The following LSAMP variants were observed in gnomAD, a reference collection of about 807,000 sequenced individuals.
LSAMP encodes the protein limbic system associated membrane protein.
Under a neutral mutation model 38.6 loss-of-function variants are expected in LSAMP, and 7 were observed. The observed-to-expected ratio is 0.18, with a 90% CI of 0.10 to 0.34. The LOEUF (loss-of-function observed/expected upper bound fraction) is 0.34, where lower values mean the gene tolerates loss of function less well. Ranked by LOEUF, LSAMP falls within the 10% of genes least tolerant of loss-of-function variation. LSAMP has a pLI of 1.00. For missense variants in LSAMP, 313 were observed against 420.0 expected, an observed-to-expected ratio of 0.75 and a Z score of 2.23; for synonymous variants, 154 against 166.8, an observed-to-expected ratio of 0.92 and a Z score of 0.59.
chr3:116,441,920 G>A (rs575573234), intron 1 of LSAMP, among the ~76,000 whole-genome samples: 1 of 152,288 alleles, frequency 6.6e-6, no homozygotes, highest in East Asian at 1.9e-4. Flanking sequence ...AGTTGGTATT[G>A]TGGTTATCTT....
At chr3:116,438,218 G>C (rs2049383054) in intron 1 of LSAMP, among the ~76,000 whole-genome samples, 1 of 151,956 alleles carries the variant, frequency 6.6e-6, no homozygotes, top group Non-Finnish European at 1.5e-5. Flanking sequence ...TAAAAGGCTT[G>C]TTTTCTTACA....
At chr3:116,286,775 T>C (rs888203824) in intron 1 of LSAMP, among the ~76,000 whole-genome samples, 2 of 152,136 alleles carry the variant, frequency 1.3e-5, no homozygotes, top group Non-Finnish European at 2.9e-5. Flanking sequence ...AAAAATTATG[T>C]TTGGCATCTA....
intron 3 of LSAMP, among the ~76,000 whole-genome samples, chr3:115,879,252 A>G (rs1936262897): frequency 6.6e-6 from 1 of 152,302 alleles, no homozygotes. Context: ...ACAGATCTAC[A>G]AATGTGTACA....
At chr3:116,220,587 T>A (rs2046271687) in intron 1 of LSAMP, among the ~76,000 whole-genome samples, 2 of 152,322 alleles carry the variant, frequency 1.3e-5, no homozygotes, top group South Asian at 4.2e-4. Flanking sequence ...TAGTTTGCAA[T>A]ATCAATTTCT....
At chr3:116,237,035 A>T (rs1385361129) in intron 1 of LSAMP, among the ~76,000 whole-genome samples, 4 of 151,952 alleles carry the variant, frequency 2.6e-5, no homozygotes, top group Non-Finnish European at 5.9e-5. Context: ...AAATCATTTC[A>T]AAGTTTGTAA....
chr3:116,045,947 G>C (rs528920488), intron 2 of LSAMP, among the ~76,000 whole-genome samples: 1 of 152,304 alleles, frequency 6.6e-6, no homozygotes, highest in African/African-American at 2.4e-5. Flanking sequence ...CAGGGTCAGA[G>C]TCCAGGTCTG....
chr3:116,382,725 T>C (rs1188956420), intron 1 of LSAMP, among the ~76,000 whole-genome samples: 1 of 152,144 alleles, frequency 6.6e-6, no homozygotes, highest in Non-Finnish European at 1.5e-5. Context: ...TCTAAGGTCA[T>C]GTTTACATAT....
At chr3:115,908,898 G>A (rs1022028655) in intron 3 of LSAMP, among the ~76,000 whole-genome samples, 1 of 152,126 alleles carries the variant, frequency 6.6e-6, no homozygotes, top group Admixed American at 6.5e-5. Flanking sequence ...TCAGTCAAGA[G>A]TGACATAAGC....
intron 1 of LSAMP, among the ~76,000 whole-genome samples, chr3:116,392,471 C>T (rs1016573479): frequency 3.3e-5 from 5 of 152,214 alleles, no homozygotes; most frequent in Non-Finnish European, 7.3e-5. Context: ...ATGCCAGCTC[C>T]CTGCCACCTC....
chr3:116,226,716 C>T lies in LSAMP; in HGVS notation c.156-140160G>A, dbSNP rs568299139. On this transcript the variant is annotated intron_variant, in intron 1 of 6. Transcript: ENST00000490035. ...GTGTAATGGACATGTCACAGATAGG[C>T]TTCACTTTGTGTGTGTCGTGTAGAC... is the stretch of plus-strand genomic sequence containing the variant. Among the ~76,000 whole-genome samples, 348 of 152,364 alleles carry T rather than the reference C, an allele frequency of 2.3e-3. 1 individual carries two copies. The highest frequency in any genetic ancestry group is 3.3e-3 in the Non-Finnish European group (223 of 68,036).
At chr3:115,936,540 ATT>A (rs1281320551) in intron 3 of LSAMP, among the ~76,000 whole-genome samples, 5 of 152,184 alleles carry the variant, frequency 3.3e-5, no homozygotes, top group African/African-American at 1.2e-4. Flanking sequence ...CTAGAAGGTT[ATT>A]TTTACTTGGA....
chr3:116,033,881 G>T (rs1458622192), intron 2 of LSAMP, among the ~76,000 whole-genome samples: 1 of 152,084 alleles, frequency 6.6e-6, no homozygotes, highest in African/African-American at 2.4e-5. Context: ...CGTCCACAAG[G>T]GAAGAAAGGA....
chr3:116,289,315 T>C (rs781763098), intron 1 of LSAMP, among the ~76,000 whole-genome samples: 7 of 152,212 alleles, frequency 4.6e-5, no homozygotes, highest in Non-Finnish European at 7.3e-5. Context: ...CAATGTACCA[T>C]AACATATGAA....
At chr3:115,941,221 C>A (rs1312191051) in intron 3 of LSAMP, among the ~76,000 whole-genome samples, 1 of 151,964 alleles carries the variant, frequency 6.6e-6, no homozygotes, top group Non-Finnish European at 1.5e-5. Flanking sequence ...AAATGTAAAT[C>A]AAAACCAAAC....
At chr3:116,269,661 A>C (rs1186819836) in intron 1 of LSAMP, among the ~76,000 whole-genome samples, 4 of 152,152 alleles carry the variant, frequency 2.6e-5, no homozygotes, top group Non-Finnish European at 4.4e-5. Flanking sequence ...CGCTTCTGAG[A>C]GTGAAGAGGG....
At chr3:115,993,638 C>G (rs572172361) in intron 3 of LSAMP, among the ~76,000 whole-genome samples, 5 of 152,110 alleles carry the variant, frequency 3.3e-5, no homozygotes, top group African/African-American at 1.2e-4. Flanking sequence ...TTATTATAGA[C>G]TTGAACATAC....
intron 2 of LSAMP, among the ~76,000 whole-genome samples, chr3:116,074,124 C>T (rs1342598341): frequency 6.6e-6 from 1 of 152,158 alleles, no homozygotes; most frequent in Non-Finnish European, 1.5e-5. Flanking sequence ...TTTTGAGTTC[C>T]TTGTATCAAC....
chr3:116,228,308 C>T (rs2046364484), intron 1 of LSAMP, among the ~76,000 whole-genome samples: 1 of 152,008 alleles, frequency 6.6e-6, no homozygotes, highest in African/African-American at 2.4e-5. Flanking sequence ...GTAGAAATAA[C>T]ATCCCTAAAT....
chr3:116,202,036 A>T (rs148464117), intron 1 of LSAMP, among the ~76,000 whole-genome samples: 190 of 152,032 alleles, frequency 1.2e-3, no homozygotes, highest in African/African-American at 4.4e-3. Context: ...TCTGACCCTT[A>T]TGATTCCAGG....
Sources: gnomAD v4.1 joint callset for allele counts (sites outside exome capture counted in the v4.1 genomes callset) on GRCh38, gnomAD v4.1.1 for gene constraint, MANE v1.5 for transcripts, NCBI Gene and HGNC (gene_info 2026-07-23, HGNC 2026-07-21) for gene names.